The following ZBTB20 variants were observed in gnomAD, a reference collection of about 807,000 sequenced individuals.
ZBTB20 encodes zinc finger and BTB domain-containing protein 20.
In ZBTB20, 9 loss-of-function variants were observed where a neutral mutation model predicts 56.9. The ratio of observed to expected loss-of-function variants is 0.16; its 90% CI spans 0.10 to 0.28. The LOEUF (loss-of-function observed/expected upper bound fraction) is 0.28. Among genes scored for constraint, ZBTB20 ranks in the 10% least tolerant of loss-of-function variants. The probability of loss-of-function intolerance (pLI) is 1.00; values close to 1 mark genes in which losing one functional copy is unlikely to be tolerated. For missense variants in ZBTB20, 655 were observed against 1,003.0 expected, an observed-to-expected ratio of 0.65 and a Z score of 4.69; for synonymous variants, 417 against 420.7, an observed-to-expected ratio of 0.99 and a Z score of 0.11.
chr3:114,716,746 G>A (rs920990135), intron 5 of ZBTB20, among the ~76,000 whole-genome samples: 2 of 152,142 alleles, frequency 1.3e-5, no homozygotes, highest in Non-Finnish European at 2.9e-5. Flanking sequence ...CTGGCAAAAT[G>A]TTTTGGCGTG....
At chr3:114,907,302 C>T (rs1420427162) in intron 3 of ZBTB20, among the ~76,000 whole-genome samples, 4 of 151,796 alleles carry the variant, frequency 2.6e-5, no homozygotes, top group East Asian at 3.8e-4. Flanking sequence ...AATACTTCAT[C>T]GGAAATTCTA....
At chr3:114,949,775 A>G (rs1041049601) in intron 3 of ZBTB20, among the ~76,000 whole-genome samples, 1 of 152,016 alleles carries the variant, frequency 6.6e-6, no homozygotes, top group Non-Finnish European at 1.5e-5. Flanking sequence ...TCAAAAAAGA[A>G]AAAAAAGACA....
At chr3:114,922,456 C>T (rs1027772928) in intron 3 of ZBTB20, among the ~76,000 whole-genome samples, 8 of 151,924 alleles carry the variant, frequency 5.3e-5, no homozygotes, top group South Asian at 2.1e-4. Flanking sequence ...CCTGTTGAAA[C>T]GATATATGAA....
At chr3:114,873,784 A>G (rs978624394) in intron 4 of ZBTB20, 3 of 152,178 alleles carry the variant, frequency 2.0e-5, no homozygotes, top group African/African-American at 7.2e-5. Flanking sequence ...CCAAATTCCC[A>G]AAGGGCCCCC....
At chr3:114,821,674 C>A (rs2073255572) in intron 4 of ZBTB20, among the ~76,000 whole-genome samples, 1 of 152,030 alleles carries the variant, frequency 6.6e-6, no homozygotes, top group Non-Finnish European at 1.5e-5. Flanking sequence ...TCTAATAGTC[C>A]AAGACTCTAG....
intron 10 of ZBTB20, among the ~76,000 whole-genome samples, chr3:114,374,380 G>A (rs566834007): frequency 2.0e-5 from 3 of 152,262 alleles, no homozygotes; most frequent in Non-Finnish European, 2.9e-5. Context: ...TAACTGATAC[G>A]GAATTTATTA....
chr3:114,753,421 A>ATATATATACACACG, intron 5 of ZBTB20, among the ~76,000 whole-genome samples: 2 of 142,152 alleles, frequency 1.4e-5, no homozygotes, highest in African/African-American at 5.3e-5. Context: ...ACGTATATAT[A>ATATATATACACACG]TATATATATA....
intron 1 of ZBTB20, among the ~76,000 whole-genome samples, chr3:115,104,613 T>C (rs1341562551): frequency 2.0e-5 from 3 of 152,162 alleles, no homozygotes; most frequent in Non-Finnish European, 4.4e-5. Flanking sequence ...CTATCCACTG[T>C]ACGTATCTAT....
intron 10 of ZBTB20, among the ~76,000 whole-genome samples, chr3:114,361,862 G>C (rs1205643371): frequency 6.6e-6 from 1 of 152,154 alleles, no homozygotes; most frequent in Non-Finnish European, 1.5e-5. Context: ...GTGATCATCT[G>C]GGGGCTGGGC....
chr3:114,865,345 C>T (rs1427089058), intron 4 of ZBTB20, among the ~76,000 whole-genome samples: 1 of 152,182 alleles, frequency 6.6e-6, no homozygotes, highest in Non-Finnish European at 1.5e-5. Context: ...TTTTGGTTGA[C>T]AGATGAGAAC....
intron 2 of ZBTB20, among the ~76,000 whole-genome samples, chr3:115,031,991 A>G (rs2080704808): frequency 6.6e-6 from 1 of 151,500 alleles, no homozygotes; most frequent in Non-Finnish European, 1.5e-5. Flanking sequence ...AGTTAGTGTC[A>G]TACTATCATG....
chr3:114,715,960 T>A (rs796388776), intron 5 of ZBTB20, among the ~76,000 whole-genome samples: 16 of 152,328 alleles, frequency 1.1e-4, no homozygotes, highest in African/African-American at 3.8e-4. Context: ...GGTCAGACTA[T>A]CTTTCCAATG....
chr3:114,988,091 CT>C (rs543706041), intron 2 of ZBTB20, among the ~76,000 whole-genome samples: 16,055 of 118,710 alleles, frequency 0.14, 1,834 homozygotes, highest in African/African-American at 0.34. Flanking sequence ...TATCCAGTTT[CT>C]TTTTTTTTTT....
chr3:114,562,013 T>C (rs1333242788), intron 6 of ZBTB20, among the ~76,000 whole-genome samples: 1 of 152,192 alleles, frequency 6.6e-6, no homozygotes, highest in African/African-American at 2.4e-5. Flanking sequence ...TGCACTTTTA[T>C]ATTATAGAGA....
chr3:115,132,014 C>G (rs1388660156), intron 1 of ZBTB20, among the ~76,000 whole-genome samples: 1 of 151,958 alleles, frequency 6.6e-6, no homozygotes, highest in African/African-American at 2.4e-5. Context: ...TATTTGCTTG[C>G]CTTTCGTTAC....
chr3:114,681,020 C>T (rs777282686), intron 6 of ZBTB20, among the ~76,000 whole-genome samples: 38 of 152,096 alleles, frequency 2.5e-4, no homozygotes, highest in Admixed American at 4.6e-4. Flanking sequence ...AGAAGACAGA[C>T]TAACATTTAC....
intron 4 of ZBTB20, among the ~76,000 whole-genome samples, chr3:114,801,834 C>A (rs1288276091): frequency 6.6e-6 from 1 of 151,808 alleles, no homozygotes; most frequent in Non-Finnish European, 1.5e-5. Context: ...ACAGGAAGAC[C>A]AAGAGAGTCT....
At position 114,319,582 on chromosome 3, in the gene ZBTB20, G is replaced by C. The variant is rs1433168979; in HGVS notation, c.*19423C>G. On this transcript the variant is annotated 3_prime_UTR_variant, in exon 12 of 12. Coordinates refer to ENST00000675478, the MANE Select transcript of ZBTB20 (RefSeq NM_001348800.3). Reference sequence around the variant, plus strand: ...GGGTAAACGGGCCAGTTTGGTATTGGGGAATGTTGACGAAGGGAGATCAGG... The same window carrying C: ...GGGTAAACGGGCCAGTTTGGTATTGCGGAATGTTGACGAAGGGAGATCAGG... 6.6e-6 allele frequency: 1 copy of C among 152,088 alleles called. No homozygotes were observed. The highest frequency in any genetic ancestry group is 1.9e-4 in the East Asian group (1 of 5,192). 9.4% of individuals were successfully genotyped at this position (152,088 alleles called of 1,614,324 possible).
At chr3:114,818,271 A>C (rs551628968) in intron 4 of ZBTB20, among the ~76,000 whole-genome samples, 175 of 152,302 alleles carry the variant, frequency 1.1e-3, no homozygotes, top group African/African-American at 3.9e-3. Context: ...AACAATTTTA[A>C]AAATTCACAT....
Sources: gnomAD v4.1 joint callset for allele counts (sites outside exome capture counted in the v4.1 genomes callset) on GRCh38, gnomAD v4.1.1 for gene constraint, MANE v1.5 for transcripts, NCBI Gene and HGNC (gene_info 2026-07-23, HGNC 2026-07-21) for gene names.